GRM7: variants seen among roughly 807,000 people sequenced by gnomAD.
GRM7 encodes the protein metabotropic glutamate receptor 7.
GRM7 carries 35 observed loss-of-function variants against 84.5 expected under a neutral mutation model. That is an observed-to-expected ratio of 0.41 (90% CI 0.32 to 0.55). GRM7 has a LOEUF of 0.55. GRM7 is among the 20% of genes least tolerant of loss of function. The pLI is 0.19. For missense variants in GRM7, 1,003 were observed against 1,194.6 expected (o/e 0.84, Z 2.36); for synonymous variants, 487 against 455.1 (o/e 1.07, Z -0.89).
intron 6 of GRM7, among the ~76,000 whole-genome samples, chr3:7,456,494 A>G (rs1698017285): frequency 1.4e-5 from 2 of 142,192 alleles, no homozygotes; most frequent in African/African-American, 5.0e-5. Flanking sequence ...TGGGGAATTT[A>G]AGAATTACGA....
chr3:7,123,936 G>A (rs1370045539), intron 1 of GRM7, among the ~76,000 whole-genome samples: 2 of 152,066 alleles, frequency 1.3e-5, no homozygotes, highest in African/African-American at 4.8e-5. Flanking sequence ...ATATAATTCT[G>A]CCCCTTTCAA....
chr3:7,574,796 T>A (rs974130173), intron 7 of GRM7, among the ~76,000 whole-genome samples: 32 of 152,318 alleles, frequency 2.1e-4, no homozygotes, highest in Middle Eastern at 6.8e-3. Flanking sequence ...TGCAGTGAGT[T>A]TCTGAGACCA....
In GRM7 at chr3:7,276,746, T is replaced by C. The variant is rs144762762; in HGVS notation, c.737-21938T>C. 6.9e-3 allele frequency among the ~76,000 whole-genome samples: 1,022 copies of C among 149,042 alleles called. 4 individuals carry two copies. Among genetic ancestry groups the C allele is most frequent in the Non-Finnish European group, 0.012 (823 of 66,976 alleles). ...GGGATCAGCAACTCCTGTTTCTTTC[T>C]GTTTCTTTCTCTCTTTCTCCCTTCC... On this transcript the variant is annotated intron_variant, in intron 2 of 9. Coordinates refer to ENST00000357716, the MANE Select transcript of GRM7 (RefSeq NM_000844.4).
intron 1 of GRM7, among the ~76,000 whole-genome samples, chr3:7,056,528 T>A (rs1457444168): frequency 1.3e-5 from 2 of 152,008 alleles, no homozygotes; most frequent in Admixed American, 6.6e-5. Context: ...AAACATTATA[T>A]ATCATCTTTG....
chr3:7,235,452 C>T (rs932408523), intron 2 of GRM7, among the ~76,000 whole-genome samples: 1 of 152,164 alleles, frequency 6.6e-6, no homozygotes, highest in African/African-American at 2.4e-5. Context: ...TTCTGTGGTA[C>T]ATGATAAGCA....
intron 8 of GRM7, among the ~76,000 whole-genome samples, chr3:7,639,378 T>C (rs1420378066): frequency 6.6e-6 from 1 of 152,172 alleles, no homozygotes; most frequent in African/African-American, 2.4e-5. Flanking sequence ...ATGATCTAAG[T>C]GTAATTCCCC....
chr3:7,019,654 T>C (rs1695704206), intron 1 of GRM7, among the ~76,000 whole-genome samples: 1 of 152,216 alleles, frequency 6.6e-6, no homozygotes, highest in African/African-American at 2.4e-5. Flanking sequence ...TCTCTTCTAC[T>C]TTTTATTAGC....
At position 7,117,528 on chromosome 3, in the gene GRM7, G is replaced by T. The variant is rs1051755027; in HGVS notation, c.520-28924G>T. The stretch of plus-strand genomic sequence containing the variant: ...GGACATTGGATTCCTGCATCAAGTG[G>T]TCTAAGCTATCCCCTGACTCTGGGG... On this transcript the variant is annotated intron_variant, in intron 1 of 9. Coordinates refer to ENST00000357716, the MANE Select transcript of GRM7 (RefSeq NM_000844.4). Among the ~76,000 whole-genome samples, 9 of 152,248 alleles carry T rather than the reference G, an allele frequency of 5.9e-5. No homozygotes were observed. The East Asian group carries it at 1.4e-3, about 23-fold the overall frequency.
chr3:7,341,690 T>A (rs530452803), intron 4 of GRM7, among the ~76,000 whole-genome samples: 2 of 152,282 alleles, frequency 1.3e-5, no homozygotes, highest in African/African-American at 4.8e-5. Flanking sequence ...CAGAAGATAC[T>A]TATAGTTTGT....
intron 2 of GRM7, among the ~76,000 whole-genome samples, chr3:7,155,662 A>G (rs1694425035): frequency 6.6e-6 from 1 of 152,132 alleles, no homozygotes; most frequent in East Asian, 1.9e-4. Context: ...ACCTGCACAA[A>G]GGGATCTGTT....
At chr3:7,332,817 C>T (rs1508715) in intron 4 of GRM7, among the ~76,000 whole-genome samples, 6,025 of 152,224 alleles carry the variant, frequency 0.04, 252 homozygotes, top group African/African-American at 0.11. Flanking sequence ...CCCCACCCAA[C>T]GAGAGTCTGA....
At chr3:6,943,497 T>C (rs1697958954) in intron 1 of GRM7, among the ~76,000 whole-genome samples, 1 of 152,036 alleles carries the variant, frequency 6.6e-6, no homozygotes, top group African/African-American at 2.4e-5. Context: ...ATAAAATCTG[T>C]TGCCAGTGTA....
At position 7,006,594 on chromosome 3, in the gene GRM7, T is replaced by G. The variant is rs868084247; in HGVS notation, c.520-139858T>G. Among the ~76,000 whole-genome samples, 27 of 152,238 alleles carry G rather than the reference T, an allele frequency of 1.8e-4. 1 individual carries two copies. Among genetic ancestry groups the G allele is most frequent in the South Asian group, 4.1e-4 (2 of 4,836 alleles). ...TGTGGCTAACAAATCCTTTTTCTCC[T>G]TTCTTATGACTATTATTCAGTGTGT... On this transcript the variant is annotated intron_variant, in intron 1 of 9. Transcript: ENST00000357716.
intron 8 of GRM7, among the ~76,000 whole-genome samples, chr3:7,603,328 G>A (rs1696410534): frequency 1.3e-5 from 2 of 152,048 alleles, no homozygotes; most frequent in Admixed American, 1.3e-4. Context: ...CTAAGGGGAG[G>A]AAGGTGATCA....
At chr3:7,653,495 T>C (rs969380199) in intron 8 of GRM7, among the ~76,000 whole-genome samples, 3 of 152,248 alleles carry the variant, frequency 2.0e-5, no homozygotes, top group African/African-American at 4.8e-5. Context: ...CCTAGCACTT[T>C]AGGCTATCTC....
intron 7 of GRM7, among the ~76,000 whole-genome samples, chr3:7,550,593 G>A (rs1371188558): frequency 6.8e-6 from 1 of 146,528 alleles, no homozygotes; most frequent in Non-Finnish European, 1.5e-5. Context: ...GTGTGTGTGT[G>A]TGTGTGTGTG....
rs533377437 is a variant in GRM7, at chr3:7,344,062, A to G, written c.1033+37410A>G. On this transcript the variant is annotated intron_variant, in intron 4 of 9. Transcript: ENST00000357716. ...ATTATTCATATAAAAAGATATACAT[A>G]CCTTTAATTGTGTATTCATCAAATC... Among the ~76,000 whole-genome samples, 376 of 151,902 alleles carry G rather than the reference A, an allele frequency of 2.5e-3. 2 individuals are homozygous for G. Among genetic ancestry groups the G allele is most frequent in the African/African-American group, 8.4e-3 (347 of 41,418 alleles).
intron 2 of GRM7, among the ~76,000 whole-genome samples, chr3:7,193,175 T>C (rs577139634): frequency 6.6e-6 from 1 of 152,200 alleles, no homozygotes; most frequent in South Asian, 2.1e-4. Flanking sequence ...TCAGTAGATG[T>C]TTCTTTAAGG....
intron 1 of GRM7, among the ~76,000 whole-genome samples, chr3:6,900,522 G>A (rs9818072): frequency 0.11 from 16,208 of 152,076 alleles, 931 homozygotes; most frequent in Non-Finnish European, 0.14. Context: ...TGAATAGGCA[G>A]GATAAAGATG....
Sources: gnomAD v4.1 joint callset for allele counts (sites outside exome capture counted in the v4.1 genomes callset) on GRCh38, gnomAD v4.1.1 for gene constraint, MANE v1.5 for transcripts, NCBI Gene and HGNC (gene_info 2026-07-23, HGNC 2026-07-21) for gene names.